The following OTOA variants were observed in gnomAD, a reference collection of about 807,000 sequenced individuals.
OTOA encodes cancer/testis antigen 108.
Under a neutral mutation model 110.8 loss-of-function variants are expected in OTOA, and 70 were observed. That is an observed-to-expected ratio of 0.63 (90% CI 0.52 to 0.77). The LOEUF (loss-of-function observed/expected upper bound fraction) is 0.77. OTOA is among the 30% of genes least tolerant of loss of function. OTOA has a pLI of 0.00. For missense variants in OTOA, 917 were observed against 1,075.8 expected (o/e 0.85, Z 2.06); for synonymous variants, 373 against 431.5 (o/e 0.86, Z 1.68).
chr16:21,738,523 C>G (rs1899418609), intron 22 of OTOA, among the ~76,000 whole-genome samples: 1 of 107,256 alleles, frequency 9.3e-6, no homozygotes, highest in Admixed American at 9.7e-5. Context: ...GGATGGGGAG[C>G]TAGAAAGGGG....
At chr16:21,715,760 C>T (rs1430883758) in intron 14 of OTOA, among the ~76,000 whole-genome samples, 1 of 149,148 alleles carries the variant, frequency 6.7e-6, no homozygotes, top group Non-Finnish European at 1.5e-5. Context: ...TCAAATAATC[C>T]TTCTGCTTCG....
At chr16:21,691,806 C>A in intron 9 of OTOA, 119 bp downstream of exon 9, 1 of 926,698 alleles carries the variant, frequency 1.1e-6, no homozygotes, top group Non-Finnish European at 1.7e-6. Flanking sequence ...CCACCTCCCA[C>A]TGCTTCGAAA....
intron 12 of OTOA, among the ~76,000 whole-genome samples, chr16:21,709,216 T>G (rs2003622): frequency 0.081 from 12,316 of 152,072 alleles, 566 homozygotes; most frequent in Middle Eastern, 0.15. Context: ...TGGATTACAT[T>G]AGGTCAGGAG....
chr16:21,729,018 G>A (rs1206462442), intron 20 of OTOA, among the ~76,000 whole-genome samples: 1 of 151,048 alleles, frequency 6.6e-6, no homozygotes, highest in East Asian at 2.0e-4. Flanking sequence ...GCAAGGTAGT[G>A]GTATTATTAT....
At position 21,671,298 on chromosome 16, in the gene OTOA, C is replaced by T. The variant is rs189973595; in HGVS notation, c.-5+7066C>T. 5.9e-5 allele frequency among the ~76,000 whole-genome samples: 9 copies of T among 151,996 alleles called. No homozygotes were observed. In the East Asian group the frequency reaches 1.7e-3, roughly 29 times the overall value. On this transcript the variant is annotated intron_variant, in intron 1 of 28. Transcript: ENST00000646100. The stretch of plus-strand genomic sequence containing the variant: ...TGGAGTGCAGAGAGATTAAGAAACT[C>T]GTCCAAGGCCGGGCTCAGTGGCTCA...
At chr16:21,750,029 C>T (rs1385898379) in intron 24 of OTOA, among the ~76,000 whole-genome samples, 1 of 152,022 alleles carries the variant, frequency 6.6e-6, no homozygotes, top group African/African-American at 2.4e-5. Context: ...GGCTTGGATG[C>T]CTCCTCAGGT....
At chr16:21,712,353 A>T (rs189475266) in intron 13 of OTOA, among the ~76,000 whole-genome samples, 1 of 151,994 alleles carries the variant, frequency 6.6e-6, no homozygotes, top group East Asian at 1.9e-4. Context: ...AAAAGAAAAA[A>T]GTAGTAGGAA....
intron 1 of OTOA, among the ~76,000 whole-genome samples, chr16:21,675,307 A>ATTTTTTTT (rs57498010): frequency 2.7e-5 from 1 of 37,154 alleles, no homozygotes; most frequent in Non-Finnish European, 4.9e-5. Flanking sequence ...ACACCTGGCT[A>ATTTTTTTT]TTTTTTTTTT....
At chr16:21,690,431 G>A (rs1897806669) in intron 8 of OTOA, among the ~76,000 whole-genome samples, 1 of 150,918 alleles carries the variant, frequency 6.6e-6, no homozygotes, top group Non-Finnish European at 1.5e-5. Flanking sequence ...ACTTACAAGT[G>A]AGAACATGGG....
chr16:21,697,921 T>C (rs1897977805), intron 10 of OTOA, 46 bp downstream of exon 10: 3 of 1,484,270 alleles, frequency 2.0e-6, no homozygotes, highest in African/African-American at 1.4e-5. Flanking sequence ...CTAATACACT[T>C]GGGGTAAGGT....
chr16:21,703,740 G>A (rs1898099083), intron 11 of OTOA, among the ~76,000 whole-genome samples: 1 of 152,158 alleles, frequency 6.6e-6, no homozygotes, highest in Non-Finnish European at 1.5e-5. Flanking sequence ...CGCTCTGAGA[G>A]GGTGGAGCCA....
chr16:21,681,281 G>A (rs1270059049), intron 5 of OTOA, among the ~76,000 whole-genome samples: 1 of 152,158 alleles, frequency 6.6e-6, no homozygotes, highest in Non-Finnish European at 1.5e-5. Flanking sequence ...TCCTATCACT[G>A]TGCCTGGTTA....
intron 14 of OTOA, 117 bp from the exon 15 acceptor site, chr16:21,716,790 C>A: frequency 8.2e-7 from 1 of 1,224,138 alleles, no homozygotes; most frequent in Non-Finnish European, 1.2e-6. Context: ...CTCTCCACTT[C>A]CTAGGGTTGC....
chr16:21,716,917 C>G lies in OTOA; in HGVS notation c.1499C>G (p.Ala500Gly), dbSNP rs141037250. Residue 500 changes from alanine to glycine, a missense_variant, in exon 15 of 29, where the codon GCG becomes GGG. Physicochemically the swap from Ala to Gly is moderately conservative, Grantham distance 60. Coordinates refer to ENST00000646100, the MANE Select transcript of OTOA (RefSeq NM_144672.4). ...QQGILSKMVQAEDTAPGIVEI... is the reference protein window; with the variant it reads ...QQGILSKMVQGEDTAPGIVEI... Reference sequence around the variant, plus strand: ...TCTCGCTTCTGGCAGATGGTCCAAGCGGAAGACACTGCCCCAGGCATCGTG... The same window carrying G: ...TCTCGCTTCTGGCAGATGGTCCAAGGGGAAGACACTGCCCCAGGCATCGTG... 1.9e-6 allele frequency: 3 copies of G among 1,613,748 alleles called. No individual in the cohort carries two copies. The highest frequency in any genetic ancestry group is 1.7e-5 in the Admixed American group (1 of 59,952).
intron 21 of OTOA, among the ~76,000 whole-genome samples, chr16:21,732,302 C>T (rs1378744413): frequency 1.3e-5 from 2 of 151,984 alleles, no homozygotes; most frequent in Non-Finnish European, 2.9e-5. Context: ...TATTTTTTTT[C>T]CTTCCTTGTT....
At chr16:21,706,690 G>T (rs1313479157) in intron 12 of OTOA, among the ~76,000 whole-genome samples, 1 of 151,886 alleles carries the variant, frequency 6.6e-6, no homozygotes, top group African/African-American at 2.4e-5. Flanking sequence ...TCGAAACGAT[G>T]ACATGAAAAT....
At chr16:21,700,735 A>AAAG (rs1555498366) in intron 10 of OTOA, among the ~76,000 whole-genome samples, 153 bp from the exon 11 acceptor site, 2 of 151,348 alleles carry the variant, frequency 1.3e-5, no homozygotes, top group African/African-American at 2.4e-5. Context: ...AAAAAAAAAA[A>AAAG]AAAAGAAAAG....
At chr16:21,667,844 CAT>C (rs1966843842) in intron 1 of OTOA, among the ~76,000 whole-genome samples, 1 of 152,010 alleles carries the variant, frequency 6.6e-6, no homozygotes, top group South Asian at 2.1e-4. Context: ...AGGAAATTTT[CAT>C]ATGTCAATAA....
chr16:21,710,172 G>T lies in OTOA; in HGVS notation c.1320+69G>T, dbSNP rs73549647. The T allele has an allele frequency of 2.3e-3, 3,315 of 1,418,552 alleles. 53 individuals carry two copies. The African/African-American group carries it at 0.041, about 18-fold the overall frequency. The allele number at this position is 1,418,552 out of a possible 1,614,324, so 87.9% of individuals were successfully genotyped here. A position where few individuals can be genotyped will look rare whatever the true frequency, so the allele number is the denominator to read the frequency against. On this transcript the variant is annotated intron_variant, in intron 13 of 28. Transcript: ENST00000646100. ...CTAAGTGTATTAGACCTGCCAGGCT[G>T]CCATAAAAATATACTGTAGATTGAG...
Sources: allele counts gnomAD v4.1 joint callset (sites outside exome capture counted in the v4.1 genomes callset), GRCh38; gene constraint gnomAD v4.1.1; transcripts MANE v1.5; gene names NCBI Gene and HGNC (gene_info 2026-07-23, HGNC 2026-07-21).